CYP4F2: variants seen among roughly 807,000 people sequenced by gnomAD.
CYP4F2 encodes cytochrome P450 4F2.
In CYP4F2, 58 loss-of-function variants were observed where a neutral mutation model predicts 58.9. That is an observed-to-expected ratio of 0.98 (90% CI 0.80 to 1.23). The LOEUF (loss-of-function observed/expected upper bound fraction) is 1.23. CYP4F2 is among the 50% of genes most tolerant of loss of function. The probability of loss-of-function intolerance (pLI) is 0.00; values close to 1 mark genes in which losing one functional copy is unlikely to be tolerated. For missense variants in CYP4F2, 616 were observed against 685.6 expected, an observed-to-expected ratio of 0.90 and a Z score of 1.13; for synonymous variants, 287 against 261.1, an observed-to-expected ratio of 1.10 and a Z score of -0.95.
chr19:15,892,759 A>C (rs1297437248), intron 3 of CYP4F2, among the ~76,000 whole-genome samples, 177 bp from the exon 4 acceptor site: 1 of 152,148 alleles, frequency 6.6e-6, no homozygotes, highest in Non-Finnish European at 1.5e-5. Context: ...AGACCAGACC[A>C]GGCTACAGCA....
intron 9 of CYP4F2, among the ~76,000 whole-genome samples, chr19:15,884,280 C>G (rs2089362319): frequency 6.6e-6 from 1 of 151,912 alleles, no homozygotes; most frequent in Non-Finnish European, 1.5e-5. Context: ...CATGTTCTCA[C>G]TCACATGTGG....
intron 2 of CYP4F2, among the ~76,000 whole-genome samples, chr19:15,896,272 A>G (rs1308424270): frequency 6.8e-6 from 1 of 146,670 alleles, no homozygotes; most frequent in Non-Finnish European, 1.5e-5. Flanking sequence ...CTATCTATCT[A>G]TCTACATTCC....
intron 7 of CYP4F2, among the ~76,000 whole-genome samples, chr19:15,888,912 A>G (rs2089399057): frequency 6.6e-6 from 1 of 152,268 alleles, no homozygotes; most frequent in South Asian, 2.1e-4. Context: ...ATATACACAT[A>G]CACATAGACA....
rs771553120 is a variant in CYP4F2, at chr19:15,879,841, A to C, written c.1172T>G (p.Leu391Arg). The C allele has an allele frequency of 6.2e-7, 1 of 1,614,164 alleles. No individual in the cohort carries two copies. The highest frequency in any genetic ancestry group is 2.2e-5 in the East Asian group (1 of 44,858). Residue 391 changes from leucine (L) to arginine (R), a missense_variant, in exon 10 of 13, where the codon CTG (leucine) becomes CGG (arginine). Physicochemically the swap from Leu to Arg is moderately radical, Grantham distance 102. Transcript: ENST00000221700. ...GGAGATGACCGGGACTGGGGGATGC[A>C]GCCGCAGGCTCTCCTTCATGCACAT... ...LTMCMKESLR[L>R]HPPVPVISRH... is the part of the protein sequence containing the mutation.
intron 9 of CYP4F2, among the ~76,000 whole-genome samples, chr19:15,885,586 C>T (rs889803962): frequency 8.5e-5 from 13 of 152,098 alleles, no homozygotes; most frequent in African/African-American, 3.1e-4. Flanking sequence ...GAAGAGCAAA[C>T]ATTCAAGAAG....
chr19:15,895,444 C>T, intron 3 of CYP4F2, 62 bp downstream of exon 3: 5 of 1,455,730 alleles, frequency 3.4e-6, no homozygotes, highest in Non-Finnish European at 3.6e-6. Flanking sequence ...CACACAGGAG[C>T]TTGGGGATAG....
chr19:15,889,284 A>G (rs2089400998), intron 7 of CYP4F2, 139 bp downstream of exon 7: 3 of 1,515,268 alleles, frequency 2.0e-6, no homozygotes, highest in South Asian at 2.5e-5. Flanking sequence ...TCTAAAACCT[A>G]TCTCTGACCT....
chr19:15,890,462 C>T (rs2089410057), intron 5 of CYP4F2, 29 bp from the exon 6 acceptor site: 4 of 1,612,850 alleles, frequency 2.5e-6, no homozygotes, highest in East Asian at 2.2e-5. Flanking sequence ...AGAGCTGGGG[C>T]AGGCTCCTTG....
chr19:15,891,455 T>C (rs985120416), intron 5 of CYP4F2, among the ~76,000 whole-genome samples: 4 of 151,626 alleles, frequency 2.6e-5, no homozygotes, highest in Non-Finnish European at 5.9e-5. Context: ...AACTTATCAA[T>C]TTGCAAGTTA....
At position 15,890,499 on chromosome 19, in the gene CYP4F2, A is replaced by G. The variant is rs1029185315; in HGVS notation, c.526-66T>C. ...TCCCTTGAGCACCTCTCCAACCCCA[A>G]CTGCCAAGATGGGCTCCCCAGAATA... On this transcript the variant is annotated intron_variant, in intron 5 of 12. Coordinates refer to ENST00000221700, the MANE Select transcript of CYP4F2 (RefSeq NM_001082.5). 51 of 1,589,610 alleles carry G rather than the reference A, an allele frequency of 3.2e-5. No homozygotes were observed. In the Admixed American group the frequency reaches 7.7e-4, roughly 24 times the overall value.
Position 15,886,126 on chromosome 19 carries a change from G to A in CYP4F2, c.986-73C>T. 47 of 1,604,676 alleles carry A rather than the reference G, an allele frequency of 2.9e-5. 1 individual carries two copies. In the South Asian group the frequency reaches 5.0e-4, roughly 17 times the overall value. ...CGAAGGTAGACAGCACCCATGCATT[G>A]AGGGCCTCAGGGAGGATGGGGGAAG... is the stretch of plus-strand genomic sequence containing the variant. On this transcript the variant is annotated intron_variant, in intron 8 of 12. Transcript: ENST00000221700.
At chr19:15,896,731 C>G (rs2089450446) in intron 2 of CYP4F2, among the ~76,000 whole-genome samples, 1 of 152,172 alleles carries the variant, frequency 6.6e-6, no homozygotes, top group Non-Finnish European at 1.5e-5. Flanking sequence ...TCCTGTGCAC[C>G]CTTCCACTTT....
intron 3 of CYP4F2, 26 bp from the exon 4 acceptor site, chr19:15,892,608 G>A (rs1406689741): frequency 6.2e-7 from 1 of 1,608,230 alleles, no homozygotes; most frequent in Admixed American, 1.7e-5. Flanking sequence ...ACAATCAGGG[G>A]CCATGGAGGC....
intron 3 of CYP4F2, among the ~76,000 whole-genome samples, chr19:15,892,821 G>C (rs1055857335): frequency 6.6e-6 from 1 of 152,088 alleles, no homozygotes; most frequent in African/African-American, 2.4e-5. Context: ...GCTATGTCAG[G>C]GTTCCAGCAT....
At chr19:15,881,106 A>G (rs546121868) in intron 9 of CYP4F2, among the ~76,000 whole-genome samples, 1 of 152,346 alleles carries the variant, frequency 6.6e-6, no homozygotes, top group African/African-American at 2.4e-5. Flanking sequence ...CAGCCACACG[A>G]TGGAATACTA....
chr19:15,889,313 C>G, intron 7 of CYP4F2, 110 bp downstream of exon 7: 1 of 1,588,076 alleles, frequency 6.3e-7, no homozygotes, highest in Non-Finnish European at 8.6e-7. Flanking sequence ...CTTCCTCAAT[C>G]ACCTTCCATG....
At position 15,889,566 on chromosome 19, in the gene CYP4F2, C is replaced by T. The variant is rs1489371565; in HGVS notation, c.775G>A (p.Ala259Thr). ...GTGAAGTCGTGCACCAGGCGGCAGG[C>T]CCTGCGGAAACGCTGCCCATCAGGG... Reference protein sequence around the residue: ...LTPDGQRFRRACRLVHDFTDA... With the variant: ...LTPDGQRFRRTCRLVHDFTDA... Residue 259 changes from alanine to threonine, a missense_variant, in exon 7 of 13, where the codon GCC becomes ACC. By Grantham distance (58) the Ala-to-Thr change is moderately conservative. Transcript: ENST00000221700. The T allele has an allele frequency of 1.2e-6, 2 of 1,614,134 alleles. No homozygotes were observed. Among genetic ancestry groups the T allele is most frequent in the South Asian group, 1.1e-5 (1 of 91,086 alleles).
chr19:15,890,467 T>C (rs1369881909), intron 5 of CYP4F2, 34 bp from the exon 6 acceptor site: 2 of 1,612,252 alleles, frequency 1.2e-6, no homozygotes, highest in African/African-American at 1.3e-5. Flanking sequence ...TGGGGCAGGC[T>C]CCTTGCTCCC....
At chr19:15,884,058 C>CAAAG (rs1032477222) in intron 9 of CYP4F2, among the ~76,000 whole-genome samples, 1 of 147,456 alleles carries the variant, frequency 6.8e-6, no homozygotes, top group African/African-American at 2.5e-5. Flanking sequence ...GACTCTGTCT[C>CAAAG]AAAGAAAGAA....
Sources: gnomAD v4.1 joint callset for allele counts (sites outside exome capture counted in the v4.1 genomes callset) on GRCh38, gnomAD v4.1.1 for gene constraint, MANE v1.5 for transcripts, NCBI Gene and HGNC (gene_info 2026-07-23, HGNC 2026-07-21) for gene names.